NEBL: variants seen among roughly 807,000 people sequenced by gnomAD.
NEBL encodes nebulette, also known as LIM and SH3 protein 2.
A neutral mutation model predicts 140.2 loss-of-function variants in NEBL; 122 were observed. That is an observed-to-expected ratio of 0.87 (90% CI 0.75 to 1.01). NEBL has a LOEUF of 1.01. Ranked by LOEUF, NEBL falls within the 50% of genes least tolerant of loss-of-function variation. The pLI is 0.00. For synonymous variants in NEBL, 436 were observed against 398.9 expected, an observed-to-expected ratio of 1.09 and a Z score of -1.11; for missense variants, 1,365 against 1,231.3, an observed-to-expected ratio of 1.11 and a Z score of -1.62.
At chr10:21,251,541 A>G (rs960192097) in intron 2 of NEBL, among the ~76,000 whole-genome samples, 1 of 152,204 alleles carries the variant, frequency 6.6e-6, no homozygotes, top group Non-Finnish European at 1.5e-5. Context: ...AGGTCTCTGC[A>G]GATGTCCCTT....
At chr10:20,890,574 A>G (rs1846946293) in intron 2 of NEBL, among the ~76,000 whole-genome samples, 1 of 152,232 alleles carries the variant, frequency 6.6e-6, no homozygotes, top group Non-Finnish European at 1.5e-5. Flanking sequence ...GAACCTGCCC[A>G]GAAAGCTTGC....
chr10:20,878,071 T>C (rs1411962056), intron 5 of NEBL, among the ~76,000 whole-genome samples: 2 of 152,204 alleles, frequency 1.3e-5, no homozygotes, highest in Admixed American at 6.5e-5. Flanking sequence ...TTATTTTTAC[T>C]GTTTGGAGAT....
intron 4 of NEBL, among the ~76,000 whole-genome samples, chr10:20,944,502 T>C (rs1478747783): frequency 6.6e-6 from 1 of 152,240 alleles, no homozygotes; most frequent in Non-Finnish European, 1.5e-5. Context: ...ACTGAGATTT[T>C]CTGTGTTTGC....
chr10:21,016,765 G>A (rs1194491934), intron 3 of NEBL, among the ~76,000 whole-genome samples: 2 of 152,078 alleles, frequency 1.3e-5, no homozygotes, highest in South Asian at 2.1e-4. Context: ...AAAACTCTAA[G>A]GAAATGCTCT....
At chr10:20,801,296 T>C (rs890385394) in intron 26 of NEBL, among the ~76,000 whole-genome samples, 4 of 152,032 alleles carry the variant, frequency 2.6e-5, no homozygotes, top group Non-Finnish European at 5.9e-5. Flanking sequence ...CAGTGCAACC[T>C]CCACCTCCTG....
At chr10:20,986,711 TTAAA>T (rs528976249) in intron 3 of NEBL, among the ~76,000 whole-genome samples, 50 of 152,358 alleles carry the variant, frequency 3.3e-4, no homozygotes, top group African/African-American at 1.1e-3. Flanking sequence ...CATTTCATGT[TTAAA>T]TAAATGACAG....
intron 26 of NEBL, among the ~76,000 whole-genome samples, chr10:20,802,005 T>C (rs1837169869): frequency 6.6e-6 from 1 of 152,164 alleles, no homozygotes; most frequent in Admixed American, 6.5e-5. Flanking sequence ...GAAAAGTGCA[T>C]CTGTTTTTCA....
At chr10:21,172,615 G>T in intron 1 of NEBL, 1 of 681,508 alleles carries the variant, frequency 1.5e-6, no homozygotes, top group Non-Finnish European at 2.5e-6. Flanking sequence ...AGGGAACTGG[G>T]GATGTGTTTA....
intron 3 of NEBL, among the ~76,000 whole-genome samples, chr10:20,976,922 TAAA>T (rs373538681): frequency 7.7e-6 from 1 of 129,740 alleles, no homozygotes. Flanking sequence ...GAATCTACAT[TAAA>T]AAAAAAAAAA....
chr10:20,798,295 G>A (rs1253995681), intron 26 of NEBL, among the ~76,000 whole-genome samples: 1 of 152,040 alleles, frequency 6.6e-6, no homozygotes, highest in Admixed American at 6.6e-5. Flanking sequence ...TTTCCAGCAC[G>A]TGGAAATATT....
chr10:20,990,366 T>G (rs1305357425), intron 3 of NEBL, among the ~76,000 whole-genome samples: 1 of 152,150 alleles, frequency 6.6e-6, no homozygotes, highest in Non-Finnish European at 1.5e-5. Flanking sequence ...GGTGATGGCC[T>G]TCGGGAGGTA....
intron 2 of NEBL, among the ~76,000 whole-genome samples, chr10:21,075,485 C>T (rs1357864315): frequency 1.3e-5 from 2 of 152,152 alleles, no homozygotes; most frequent in Non-Finnish European, 2.9e-5. Context: ...GATGCTACAC[C>T]TGATAGCAAT....
At chr10:20,979,160 G>A (rs962502540) in intron 3 of NEBL, among the ~76,000 whole-genome samples, 2 of 152,156 alleles carry the variant, frequency 1.3e-5, no homozygotes, top group African/African-American at 2.4e-5. Flanking sequence ...GCTCACGCCT[G>A]TTATCCCAAC....
intron 2 of NEBL, among the ~76,000 whole-genome samples, chr10:21,080,137 C>T (rs1053589247): frequency 1.3e-5 from 2 of 152,172 alleles, no homozygotes; most frequent in African/African-American, 4.8e-5. Flanking sequence ...GTAATAAGCA[C>T]ATAATTTATA....
chr10:20,861,896 A>G (rs1843735070), intron 7 of NEBL, among the ~76,000 whole-genome samples: 1 of 152,202 alleles, frequency 6.6e-6, no homozygotes, highest in African/African-American at 2.4e-5. Flanking sequence ...AATGTAAGTT[A>G]AAAATGCACC....
rs532550560 is a variant in NEBL, at chr10:21,141,713, C to T, written c.164+30670G>A. On this transcript the variant is annotated intron_variant, in intron 2 of 6. Transcript: ENST00000417816. ...AATAAAATGAACAAAAGGGAAAATTCCCATTCTTAATAAAAGTCAGAAAAT... is the reference window on the plus strand; with the variant it reads ...AATAAAATGAACAAAAGGGAAAATTTCCATTCTTAATAAAAGTCAGAAAAT... Among the ~76,000 whole-genome samples, 5 of 152,234 alleles carry T rather than the reference C, an allele frequency of 3.3e-5. No individual in the cohort carries two copies. In the South Asian group the frequency reaches 1.0e-3, roughly 32 times the overall value.
intron 3 of NEBL, among the ~76,000 whole-genome samples, chr10:21,196,963 A>G (rs537358434): frequency 6.6e-6 from 1 of 152,128 alleles, no homozygotes; most frequent in East Asian, 1.9e-4. Context: ...TGAAGTGCGA[A>G]TTTTTTTTCT....
intron 2 of NEBL, among the ~76,000 whole-genome samples, chr10:21,097,219 C>CGGGGGGGGG (rs11353377): frequency 1.1e-5 from 1 of 87,114 alleles, no homozygotes; most frequent in African/African-American, 6.1e-5. Flanking sequence ...TTGGGAGGTC[C>CGGGGGGGGG]GGGGGGGGGG....
At chr10:20,875,729 C>T (rs1237456414) in intron 5 of NEBL, among the ~76,000 whole-genome samples, 1 of 151,864 alleles carries the variant, frequency 6.6e-6, no homozygotes, top group Non-Finnish European at 1.5e-5. Flanking sequence ...AGCCAGCCAG[C>T]CAGCCAGCCA....
Sources: gnomAD v4.1 joint callset for allele counts (sites outside exome capture counted in the v4.1 genomes callset) on GRCh38, gnomAD v4.1.1 for gene constraint, MANE v1.5 for transcripts, NCBI Gene and HGNC (gene_info 2026-07-23, HGNC 2026-07-21) for gene names.